Variants in TRAPPC9 observed in about 807,000 individuals in gnomAD.
TRAPPC9 encodes the protein trafficking protein particle complex subunit 9.
A neutral mutation model predicts 124.0 loss-of-function variants in TRAPPC9; 83 were observed. The observed-to-expected ratio is 0.67, with a 90% CI of 0.56 to 0.80. TRAPPC9 has a LOEUF of 0.80. Among genes scored for constraint, TRAPPC9 ranks in the 30% least tolerant of loss-of-function variants. The pLI, the probability that TRAPPC9 is intolerant of heterozygous loss-of-function variation, is 0.00. For missense variants in TRAPPC9, 1,302 were observed against 1,508.3 expected (o/e 0.86, Z 2.27); for synonymous variants, 638 against 617.5 (o/e 1.03, Z -0.49).
intron 21 of TRAPPC9, among the ~76,000 whole-genome samples, chr8:139,834,366 G>A (rs1353190555): frequency 2.6e-5 from 4 of 152,250 alleles, no homozygotes; most frequent in Non-Finnish European, 5.9e-5. Flanking sequence ...AGAGGGCTGT[G>A]TCGGGAGCAG....
intron 4 of TRAPPC9, among the ~76,000 whole-genome samples, chr8:140,434,384 T>G (rs913430821): frequency 5.3e-5 from 8 of 152,212 alleles, no homozygotes; most frequent in African/African-American, 1.9e-4. Context: ...GTTTTCTCAC[T>G]CTTCATTGGT....
chr8:140,247,130 A>G (rs1353796746), intron 16 of TRAPPC9, among the ~76,000 whole-genome samples: 1 of 152,236 alleles, frequency 6.6e-6, no homozygotes, highest in African/African-American at 2.4e-5. Flanking sequence ...ACAAGCAACG[A>G]TATGTTTAAT....
intron 19 of TRAPPC9, among the ~76,000 whole-genome samples, chr8:139,971,760 C>CACACATATATATATACACACACATATAT (rs1836099273): frequency 2.1e-4 from 30 of 145,288 alleles, no homozygotes; most frequent in South Asian, 4.4e-4. Flanking sequence ...CACACACACA[C>CACACATATATATATACACACACATATAT]ACACATATAT....
chr8:139,989,030 GCATCAGGTCCT>G (rs1587425466), intron 18 of TRAPPC9, among the ~76,000 whole-genome samples, 194 bp from the exon 19 acceptor site: 2 of 152,274 alleles, frequency 1.3e-5, no homozygotes, highest in South Asian at 2.1e-4. Context: ...GTGGGTGTAG[GCATCAGGTCCT>G]CATCAGGTCC....
rs533847950 is a variant in TRAPPC9, at chr8:139,993,715, T to G, written c.2700-4879A>C. On this transcript the variant is annotated intron_variant, in intron 18 of 22. Coordinates refer to ENST00000438773, the MANE Select transcript of TRAPPC9 (RefSeq NM_001160372.4). ...ACCTATGCAGAGGTGACAATGAATT[T>G]AAAAGAACTATATGCCCCACCACAG... is the stretch of plus-strand genomic sequence containing the variant. 3.1e-3 allele frequency among the ~76,000 whole-genome samples: 473 copies of G among 152,278 alleles called. 1 individual carries two copies. Among genetic ancestry groups the G allele is most frequent in the African/African-American group, 0.011 (450 of 41,544 alleles).
chr8:140,397,869 T>C (rs1348441467), intron 6 of TRAPPC9, 124 bp from the exon 7 acceptor site: 5 of 1,248,492 alleles, frequency 4.0e-6, no homozygotes, highest in African/African-American at 1.5e-5. Context: ...GGGCTCCAGA[T>C]ACCCCTCCTG....
chr8:139,774,116 A>G (rs531244415), intron 21 of TRAPPC9, among the ~76,000 whole-genome samples: 20 of 152,314 alleles, frequency 1.3e-4, no homozygotes, highest in Admixed American at 9.8e-4. Flanking sequence ...ACGCGGGCGA[A>G]GGCCACTGGG....
rs1018959305 is a variant in TRAPPC9 at position 139,792,839 on chromosome 8, C to T, written c.3056-60637G>A. On this transcript the variant is annotated intron_variant, in intron 21 of 22. Coordinates refer to ENST00000438773, the MANE Select transcript of TRAPPC9 (RefSeq NM_001160372.4). ...ACTTTACATCCTACTCGTGCAGGGA[C>T]GAGAACCAACAGCAGTTGGAAAAAA... Among the ~76,000 whole-genome samples, 3 of 152,314 alleles carry T rather than the reference C, an allele frequency of 2.0e-5. No homozygotes were observed. In the East Asian group the frequency reaches 5.8e-4, roughly 29 times the overall value.
intron 17 of TRAPPC9, among the ~76,000 whole-genome samples, chr8:140,215,707 G>A (rs776042491): frequency 4.2e-4 from 64 of 151,118 alleles, no homozygotes; most frequent in Non-Finnish European, 6.8e-4. Flanking sequence ...CACAGACGCG[G>A]CGAACTTGGG....
chr8:139,971,738 C>CAT (rs35028992), intron 19 of TRAPPC9, among the ~76,000 whole-genome samples: 12 of 38,446 alleles, frequency 3.1e-4, no homozygotes, highest in Admixed American at 6.1e-4. Context: ...CACACACACA[C>CAT]ATATATATAT....
intron 21 of TRAPPC9, among the ~76,000 whole-genome samples, chr8:139,774,946 T>G (rs1285395502): frequency 6.6e-6 from 1 of 152,212 alleles, no homozygotes; most frequent in Non-Finnish European, 1.5e-5. Flanking sequence ...AACAAGAACC[T>G]GAGCAGAACG....
chr8:139,855,632 T>C (rs1375369677), intron 21 of TRAPPC9, among the ~76,000 whole-genome samples: 1 of 151,520 alleles, frequency 6.6e-6, no homozygotes, highest in African/African-American at 2.4e-5. Context: ...TTCAGGGGAG[T>C]CTTATGCGGT....
chr8:139,817,045 A>AACACACACACACAC (rs1228353322), intron 21 of TRAPPC9, among the ~76,000 whole-genome samples: 14,222 of 135,154 alleles, frequency 0.11, 1,001 homozygotes, highest in Admixed American at 0.2. Context: ...ACATAAACTA[A>AACACACACACACAC]ACACACACAC....
chr8:139,809,469 G>A (rs1586894141), intron 21 of TRAPPC9, among the ~76,000 whole-genome samples: 1 of 152,360 alleles, frequency 6.6e-6, no homozygotes, highest in East Asian at 1.9e-4. Context: ...TGAAATCACT[G>A]AGTGTGGATA....
chr8:140,071,984 AC>A (rs1843180975), intron 17 of TRAPPC9, among the ~76,000 whole-genome samples: 1 of 152,190 alleles, frequency 6.6e-6, no homozygotes, highest in Non-Finnish European at 1.5e-5. Flanking sequence ...AATCATCTCA[AC>A]TGACGCAGAA....
chr8:140,005,474 C>A (rs556123844), intron 18 of TRAPPC9, among the ~76,000 whole-genome samples: 3 of 152,148 alleles, frequency 2.0e-5, no homozygotes, highest in Non-Finnish European at 4.4e-5. Context: ...TAATTCTAAG[C>A]GGCAGCCTGG....
Position 140,072,432 on chromosome 8 carries a change from C to T in TRAPPC9, c.2557-48353G>A, listed in dbSNP as rs575042671. On this transcript the variant is annotated intron_variant, in intron 17 of 22. Coordinates refer to ENST00000438773, the MANE Select transcript of TRAPPC9 (RefSeq NM_001160372.4). ...CTGTAGGAGGCTGAGGCAGGAGAAT[C>T]GCTTGAACGCGGGAGGCAGAGCTTG... Among the ~76,000 whole-genome samples the T allele has an allele frequency of 6.6e-5, 10 of 151,946 alleles. No individual in the cohort carries two copies. The South Asian group carries it at 1.5e-3, about 22-fold the overall frequency.
chr8:140,366,185 T>A (rs34263018), intron 8 of TRAPPC9, among the ~76,000 whole-genome samples: 3,304 of 152,296 alleles, frequency 0.022, 124 homozygotes, highest in African/African-American at 0.071. Context: ...GGCATTGAGG[T>A]TGATTCCATA....
chr8:140,033,658 G>GTGTTTTT, intron 17 of TRAPPC9, among the ~76,000 whole-genome samples: 1 of 42,398 alleles, frequency 2.4e-5, no homozygotes, highest in Non-Finnish European at 5.5e-5. Context: ...TCATAATGTG[G>GTGTTTTT]TTTTTTTTTT....
Sources: gnomAD v4.1 joint callset for allele counts (sites outside exome capture counted in the v4.1 genomes callset) on GRCh38, gnomAD v4.1.1 for gene constraint, MANE v1.5 for transcripts, NCBI Gene and HGNC (gene_info 2026-07-23, HGNC 2026-07-21) for gene names.